The following PLPP3 variants were observed in gnomAD, a reference collection of about 807,000 sequenced individuals.
PLPP3 encodes PAP2 beta.
PLPP3 carries 6 observed loss-of-function variants against 29.6 expected under a neutral mutation model. The observed-to-expected ratio is 0.20, with a 90% CI of 0.11 to 0.40. The LOEUF (loss-of-function observed/expected upper bound fraction) is 0.40. PLPP3 is among the 10% of genes least tolerant of loss of function. The probability of loss-of-function intolerance (pLI) is 1.00; values close to 1 mark genes in which losing one functional copy is unlikely to be tolerated. For synonymous variants in PLPP3, 152 were observed against 159.7 expected (o/e 0.95, Z 0.36); for missense variants, 308 against 407.7 (o/e 0.76, Z 2.11).
chr1:56,578,450 T>A (rs1287088258), intron 1 of PLPP3, among the ~76,000 whole-genome samples: 2 of 151,848 alleles, frequency 1.3e-5, no homozygotes, highest in Non-Finnish European at 2.9e-5. Context: ...GCAGCTCGGC[T>A]CCAGGCAGGA....
chr1:56,561,660 G>T (rs557616670), intron 1 of PLPP3, among the ~76,000 whole-genome samples: 1 of 151,866 alleles, frequency 6.6e-6, no homozygotes, highest in South Asian at 2.1e-4. Context: ...CACCTATTAT[G>T]TACAAGGAGT....
At chr1:56,535,193 A>G (rs930233386) in intron 2 of PLPP3, among the ~76,000 whole-genome samples, 1 of 152,190 alleles carries the variant, frequency 6.6e-6, no homozygotes, top group African/African-American at 2.4e-5. Context: ...CGGAGGCACC[A>G]TAAGGTTAAT....
At chr1:56,557,005 AGAAAG>A in intron 1 of PLPP3, among the ~76,000 whole-genome samples, 1 of 6,316 alleles carries the variant, frequency 1.6e-4, no homozygotes, top group African/African-American at 5.0e-4. Context: ...AAAGAAAGAA[AGAAAG>A]AGAGAGAGAG....
chr1:56,521,067 C>G (rs71639727), intron 4 of PLPP3, among the ~76,000 whole-genome samples: 1 of 151,280 alleles, frequency 6.6e-6, no homozygotes. Context: ...AGCCTCGTCT[C>G]TACAAAAAAA....
rs1021657601 is a variant in PLPP3, at chr1:56,579,372, C to A, written c.-356G>T. The A allele has an allele frequency of 3.8e-6, 1 of 264,900 alleles. No homozygotes were observed. Among genetic ancestry groups the A allele is most frequent in the South Asian group, 4.1e-5 (1 of 24,204 alleles). The allele number at this position is 264,900 out of a possible 1,614,324, so 16.4% of individuals were successfully genotyped here. A position where few individuals can be genotyped will look rare whatever the true frequency, so the allele number is the denominator to read the frequency against. On this transcript the variant is annotated 5_prime_UTR_variant, in exon 1 of 6. Coordinates refer to ENST00000371250, the MANE Select transcript of PLPP3 (RefSeq NM_003713.5). ...CGAGCGAGCGAGTGGGCAGCGCGGG[C>A]GCTCGGCCACCTTCCTCCGCAGCTG...
intron 1 of PLPP3, among the ~76,000 whole-genome samples, chr1:56,544,485 G>C (rs1645992528): frequency 6.6e-6 from 1 of 152,198 alleles, no homozygotes; most frequent in Admixed American, 6.5e-5. Context: ...AAATAAGGGA[G>C]AGTAAGTATA....
At chr1:56,554,043 C>G (rs186685198) in intron 1 of PLPP3, among the ~76,000 whole-genome samples, 74 of 150,520 alleles carry the variant, frequency 4.9e-4, no homozygotes, top group Non-Finnish European at 8.2e-4. Flanking sequence ...AGTCATCAAG[C>G]CTTTGGCTTT....
chr1:56,498,235 A>G (rs1465918342), intron 5 of PLPP3, among the ~76,000 whole-genome samples: 1 of 152,166 alleles, frequency 6.6e-6, no homozygotes, highest in Non-Finnish European at 1.5e-5. Flanking sequence ...GTACCAAAAG[A>G]TTTGTCTCCT....
intron 1 of PLPP3, among the ~76,000 whole-genome samples, chr1:56,556,948 C>CAGAG (rs1329913549): frequency 1.8e-5 from 1 of 55,630 alleles, no homozygotes; most frequent in African/African-American, 7.9e-5. Flanking sequence ...GAGAGAGAGA[C>CAGAG]AGAGAGAAAG....
At chr1:56,532,191 C>T (rs1056037634) in intron 2 of PLPP3, among the ~76,000 whole-genome samples, 2 of 152,140 alleles carry the variant, frequency 1.3e-5, no homozygotes, top group Non-Finnish European at 2.9e-5. Flanking sequence ...GATGCCCCCT[C>T]CCACTGTTCC....
intron 1 of PLPP3, among the ~76,000 whole-genome samples, chr1:56,575,900 C>T (rs1044132164): frequency 6.6e-6 from 1 of 152,092 alleles, no homozygotes; most frequent in Non-Finnish European, 1.5e-5. Flanking sequence ...AATCAATGTA[C>T]AAAAACCAGG....
chr1:56,561,630 T>C (rs534632120), intron 1 of PLPP3, among the ~76,000 whole-genome samples: 4 of 152,310 alleles, frequency 2.6e-5, no homozygotes, highest in South Asian at 2.1e-4. Context: ...ATATACTTTT[T>C]TTCAATGAAA....
Position 56,552,973 on chromosome 1 carries a change from G to A in PLPP3, c.140-15861C>T, listed in dbSNP as rs145148886. Among the ~76,000 whole-genome samples, 66 of 152,234 alleles carry A rather than the reference G, an allele frequency of 4.3e-4. No individual in the cohort carries two copies. In the East Asian group the frequency reaches 8.7e-3, roughly 20 times the overall value. ...CGAATGAAGAAAGTCCCTTTTCTTC[G>A]CTGAGCCTGTATTAGAGAGAAGAGG... On this transcript the variant is annotated intron_variant, in intron 1 of 5. Coordinates refer to ENST00000371250, the MANE Select transcript of PLPP3 (RefSeq NM_003713.5).
At chr1:56,503,083 G>T (rs7528118) in intron 5 of PLPP3, among the ~76,000 whole-genome samples, 2 of 149,724 alleles carry the variant, frequency 1.3e-5, no homozygotes, top group African/African-American at 2.5e-5. Flanking sequence ...TTTGGCAGCC[G>T]TTTTTTTTTT....
chr1:56,501,261 G>C (rs1645666315), intron 5 of PLPP3, among the ~76,000 whole-genome samples: 1 of 152,048 alleles, frequency 6.6e-6, no homozygotes, highest in South Asian at 2.1e-4. Context: ...TTCTAGTTCT[G>C]TTTTCAACTC....
At chr1:56,538,307 C>A in intron 1 of PLPP3, 1 of 221,504 alleles carries the variant, frequency 4.5e-6, no homozygotes. Context: ...TCTTCCTCCC[C>A]AACTACCCAA....
At chr1:56,518,795 C>G (rs1645799915) in intron 4 of PLPP3, among the ~76,000 whole-genome samples, 1 of 150,856 alleles carries the variant, frequency 6.6e-6, no homozygotes, top group Non-Finnish European at 1.5e-5. Flanking sequence ...AGCAATTCTC[C>G]TGCCTTGGCC....
chr1:56,526,504 C>T (rs1289270075), intron 2 of PLPP3, among the ~76,000 whole-genome samples: 3 of 152,150 alleles, frequency 2.0e-5, no homozygotes, highest in African/African-American at 4.8e-5. Flanking sequence ...CCCTATGTAA[C>T]CTCACAGGCA....
At chr1:56,517,603 G>C (rs1645790207) in intron 4 of PLPP3, among the ~76,000 whole-genome samples, 1 of 152,250 alleles carries the variant, frequency 6.6e-6, no homozygotes, top group South Asian at 2.1e-4. Flanking sequence ...AGGTAACCAA[G>C]AGATATGATG....
Sources: allele counts gnomAD v4.1 joint callset (sites outside exome capture counted in the v4.1 genomes callset), GRCh38; gene constraint gnomAD v4.1.1; transcripts MANE v1.5; gene names NCBI Gene and HGNC (gene_info 2026-07-23, HGNC 2026-07-21).